The following ICE1 variants were observed in gnomAD, a reference collection of about 807,000 sequenced individuals.
ICE1 encodes interactor of little elongation complex ELL subunit 1.
A neutral mutation model predicts 192.7 loss-of-function variants in ICE1; 64 were observed. That is an observed-to-expected ratio of 0.33 (90% CI 0.27 to 0.41). The LOEUF (loss-of-function observed/expected upper bound fraction) is 0.41, where lower values mean the gene tolerates loss of function less well. Ranked by LOEUF, ICE1 falls within the 10% of genes least tolerant of loss-of-function variation. ICE1 has a pLI of 1.00. For missense variants in ICE1, 2,708 were observed against 2,696.0 expected (o/e 1.00, Z -0.10); for synonymous variants, 1,010 against 984.5 (o/e 1.03, Z -0.49).
chr5:5,443,216 A>G lies in ICE1; in HGVS notation c.358A>G (p.Lys120Glu). 1.3e-6 allele frequency: 2 copies of G among 1,514,774 alleles called. No individual in the cohort carries two copies. The highest frequency in any genetic ancestry group is 2.3e-5 in the Admixed American group (1 of 44,176). The allele number at this position is 1,514,774 out of a possible 1,614,324, so 93.8% of individuals were successfully genotyped here. Reference protein sequence around the residue: ...QDTHQEYARVKEECLKSDAQK... With the variant: ...QDTHQEYARVEEECLKSDAQK... ...TACTCATCAGGAATATGCTCGTGTA[A>G]AGGAAGAATGCTTGAAGAGTGATGC... The change falls in exon 6 of 19, where the codon AAG becomes GAG. Residue 120 changes from lysine (K) to glutamate (E), a missense_variant. Physicochemically the swap from Lys to Glu is moderately conservative, Grantham distance 56. Coordinates refer to ENST00000296564, the MANE Select transcript of ICE1 (RefSeq NM_015325.3).
At chr5:5,440,073 T>A (rs1030244157) in intron 4 of ICE1, among the ~76,000 whole-genome samples, 160 bp downstream of exon 4, 4 of 152,234 alleles carry the variant, frequency 2.6e-5, no homozygotes, top group African/African-American at 9.6e-5. Flanking sequence ...AAAATAGGAC[T>A]CAAGTTCTCC....
chr5:5,445,865 T>A (rs1738205203), intron 7 of ICE1, among the ~76,000 whole-genome samples: 1 of 151,608 alleles, frequency 6.6e-6, no homozygotes, highest in Non-Finnish European at 1.5e-5. Flanking sequence ...GGCCTATGTG[T>A]CATGTGCCAC....
intron 7 of ICE1, among the ~76,000 whole-genome samples, chr5:5,446,279 A>C (rs1738221144): frequency 6.6e-6 from 1 of 151,060 alleles, no homozygotes; most frequent in Non-Finnish European, 1.5e-5. Flanking sequence ...TACAGGTGTG[A>C]GCCACTGTGC....
At position 5,461,710 on chromosome 5, in the gene ICE1, C is replaced by T. The variant is rs1738786069; in HGVS notation, c.2376C>T (p.His792=). Residue 792 remains histidine, a synonymous_variant, in exon 13 of 19, where the codon CAC becomes CAT. Coordinates refer to ENST00000296564, the MANE Select transcript of ICE1 (RefSeq NM_015325.3). ...GTTTTGTTAAAAGTACTTCATGGCACCATAGTGATTTATTAAGGAAAGGTG... is the reference window on the plus strand; with the variant it reads ...GTTTTGTTAAAAGTACTTCATGGCATCATAGTGATTTATTAAGGAAAGGTG... The part of the protein sequence containing the change: ...GLGFVKSTSW[H]HSDLLRKGGE... 1.9e-6 allele frequency: 3 copies of T among 1,613,760 alleles called. No individual in the cohort carries two copies. Among genetic ancestry groups the T allele is most frequent in the Non-Finnish European group, 8.5e-7 (1 of 1,179,824 alleles).
chr5:5,447,939 C>T (rs781211333), intron 10 of ICE1, 42 bp downstream of exon 10: 39 of 1,449,144 alleles, frequency 2.7e-5, no homozygotes, highest in Non-Finnish European at 3.6e-5. Context: ...GTGTATTGCT[C>T]TTAGTGGGTT....
At position 5,485,534 on chromosome 5, in the gene ICE1, A is replaced by G. The variant is rs553494942; in HGVS notation, c.6521-1187A>G. 2.6e-5 allele frequency among the ~76,000 whole-genome samples: 4 copies of G among 152,348 alleles called. No individual in the cohort carries two copies. The South Asian group carries it at 8.3e-4, about 32-fold the overall frequency. On this transcript the variant is annotated intron_variant, in intron 17 of 18. Transcript: ENST00000296564. ...TACGGATATTCTTTTTTGATGCTACAATAAAACTCAACAAGTAGTAATTTC... is the reference window on the plus strand; with the variant it reads ...TACGGATATTCTTTTTTGATGCTACGATAAAACTCAACAAGTAGTAATTTC...
chr5:5,464,459 G>A lies in ICE1; in HGVS notation c.5125G>A (p.Val1709Ile). 2.5e-6 allele frequency: 4 copies of A among 1,613,886 alleles called. No homozygotes were observed. The highest frequency in any genetic ancestry group is 3.4e-6 in the Non-Finnish European group (4 of 1,179,866). Residue 1709 changes from valine to isoleucine, a missense_variant, in exon 13 of 19, where the codon GTA becomes ATA. Around this residue, in one of 2 missense-constraint regions of ICE1, gnomAD observed 2,366 missense variants for 2,276.6 expected, o/e 1.04. Coordinates refer to ENST00000296564, the MANE Select transcript of ICE1 (RefSeq NM_015325.3). This position sits in a 1 kb window ranked among gnomAD's most constrained non-coding sequence, Gnocchi z 4.0. ...SPSAASASERVVPSPLQFCAA... is the reference protein window; with the variant it reads ...SPSAASASERIVPSPLQFCAA... The stretch of plus-strand genomic sequence containing the variant: ...ATCTGCAGCTTCAGCCAGTGAGAGG[G>A]TAGTGCCGTCTCCTCTGCAGTTCTG...
In ICE1 at chr5:5,463,574, C is replaced by G; in HGVS notation, c.4240C>G (p.Gln1414Glu). The G allele has an allele frequency of 6.2e-7, 1 of 1,613,958 alleles. No individual in the cohort carries two copies. The highest frequency in any genetic ancestry group is 8.5e-7 in the Non-Finnish European group (1 of 1,179,876). The change falls in exon 13 of 19, where the codon CAG (glutamine) becomes GAG (glutamate). Residue 1414 changes from glutamine (Q) to glutamate (E), a missense_variant. Coordinates refer to ENST00000296564, the MANE Select transcript of ICE1 (RefSeq NM_015325.3). The stretch of plus-strand genomic sequence containing the variant: ...TATAAACGTACTTATAAATAAGGAT[C>G]AGAATCTAGTCATTGAAAAGGGGGA... ...EVINVLINKD[Q>E]NLVIEKGDNW...
intron 7 of ICE1, among the ~76,000 whole-genome samples, chr5:5,446,740 GA>G (rs888469821): frequency 2.6e-5 from 4 of 151,932 alleles, no homozygotes; most frequent in African/African-American, 7.3e-5. Context: ...AGATTACTGA[GA>G]AAAAAAATAT....
chr5:5,477,109 T>C (rs1561098696), intron 17 of ICE1, among the ~76,000 whole-genome samples: 1 of 152,106 alleles, frequency 6.6e-6, no homozygotes, highest in Non-Finnish European at 1.5e-5. Context: ...CAAGCTGCTG[T>C]CCAAGCCCTG....
chr5:5,481,632 G>A (rs944351763), intron 17 of ICE1, among the ~76,000 whole-genome samples: 1 of 152,164 alleles, frequency 6.6e-6, no homozygotes, highest in African/African-American at 2.4e-5. Flanking sequence ...ATGAAATAAT[G>A]GGTTCGGAAA....
chr5:5,447,302 A>G lies in ICE1; in HGVS notation c.425-125A>G, dbSNP rs1410690837. 7.5e-6 allele frequency: 5 copies of G among 669,674 alleles called. No homozygotes were observed. The East Asian group carries it at 1.4e-4, about 19-fold the overall frequency. The allele number at this position is 669,674 out of a possible 1,614,324, so 41.5% of individuals were successfully genotyped here. A position where few individuals can be genotyped will look rare whatever the true frequency, so the allele number is the denominator to read the frequency against. On this transcript the variant is annotated intron_variant, in intron 7 of 18. Coordinates refer to ENST00000296564, the MANE Select transcript of ICE1 (RefSeq NM_015325.3). ...TGAAGGAGCAATGGCTTTTTACGAA[A>G]TTTATTTCAAACTTTTAAGAAATGA... is the stretch of plus-strand genomic sequence containing the variant.
rs1003192042 is a variant in ICE1 at position 5,473,096 on chromosome 5, T to G, written c.6223-462T>G. Among the ~76,000 whole-genome samples, 3 of 152,232 alleles carry G rather than the reference T, an allele frequency of 2.0e-5. No individual in the cohort carries two copies. In the South Asian group the frequency reaches 6.2e-4, roughly 31 times the overall value. On this transcript the variant is annotated intron_variant, in intron 15 of 18. Coordinates refer to ENST00000296564, the MANE Select transcript of ICE1 (RefSeq NM_015325.3). ...TATGGATAAATATCATAACACATTATACACAGGTGTGAAAAAAGCCAGAAA... is the reference window on the plus strand; with the variant it reads ...TATGGATAAATATCATAACACATTAGACACAGGTGTGAAAAAAGCCAGAAA...
At chr5:5,427,161 A>C (rs1374988059) in intron 1 of ICE1, among the ~76,000 whole-genome samples, 1 of 152,238 alleles carries the variant, frequency 6.6e-6, no homozygotes, top group Non-Finnish European at 1.5e-5. Context: ...AGAAGTGTGC[A>C]GATTGACTAC....
intron 17 of ICE1, among the ~76,000 whole-genome samples, chr5:5,479,917 C>T (rs1436126781): frequency 6.6e-6 from 1 of 151,978 alleles, no homozygotes; most frequent in Non-Finnish European, 1.5e-5. Flanking sequence ...AGGGGAACAT[C>T]ACACACTGGG....
chr5:5,484,023 C>T (rs1483646671), intron 17 of ICE1, among the ~76,000 whole-genome samples: 1 of 152,144 alleles, frequency 6.6e-6, no homozygotes, highest in Non-Finnish European at 1.5e-5. Flanking sequence ...GCTGGGGCTC[C>T]CTTGACAGTG....
In ICE1 at chr5:5,460,477, C is replaced by T; in HGVS notation, c.1143C>T (p.Asp381=). The part of the protein sequence containing the change: ...FGEYTDSSDN[D]SVQLRNSAEC... ...AATACACAGATTCCAGCGATAATGACTCAGTCCAGCTTAGAAATTCTGCTG... is the reference window on the plus strand; with the variant it reads ...AATACACAGATTCCAGCGATAATGATTCAGTCCAGCTTAGAAATTCTGCTG... The change falls in exon 13 of 19, where the codon GAC becomes GAT. Residue 381 remains aspartate (D), a synonymous_variant. Transcript: ENST00000296564. 1 of 1,608,546 alleles carries T rather than the reference C, an allele frequency of 6.2e-7. No individual in the cohort carries two copies. The highest frequency in any genetic ancestry group is 1.7e-4 in the Middle Eastern group (1 of 6,046).
intron 15 of ICE1, among the ~76,000 whole-genome samples, chr5:5,470,793 T>G (rs1055832100): frequency 6.6e-6 from 1 of 152,206 alleles, no homozygotes; most frequent in African/African-American, 2.4e-5. Flanking sequence ...TTACATTTAC[T>G]TTGAAATTGA....
intron 10 of ICE1, among the ~76,000 whole-genome samples, chr5:5,453,283 A>G (rs72646676): frequency 0.042 from 6,362 of 152,130 alleles, 436 homozygotes; most frequent in African/African-American, 0.14. Context: ...GATATGGCTC[A>G]CACACAGTGG....
Sources: gnomAD v4.1 joint callset for allele counts (sites outside exome capture counted in the v4.1 genomes callset) on GRCh38, gnomAD v4.1.1 for gene constraint, gnomAD v4.1.1 regional missense constraint, Gnocchi (gnomAD v3.1) non-coding constraint, MANE v1.5 for transcripts, NCBI Gene and HGNC (gene_info 2026-07-23, HGNC 2026-07-21) for gene names.